CCM2: variants seen among roughly 807,000 people sequenced by gnomAD.
CCM2 encodes CCM2 scaffold protein, also known as cerebral cavernous malformations 2 protein.
Under a neutral mutation model 44.9 loss-of-function variants are expected in CCM2, and 25 were observed. The observed-to-expected ratio is 0.56, with a 90% confidence interval of 0.41 to 0.78. The LOEUF is 0.78. Ranked by LOEUF, CCM2 falls within the 30% of genes least tolerant of loss-of-function variation. The probability of loss-of-function intolerance (pLI) is 0.00; values close to 1 mark genes in which losing one functional copy is unlikely to be tolerated. For missense variants in CCM2, 481 were observed against 580.6 expected, an observed-to-expected ratio of 0.83 and a Z score of 1.76; for synonymous variants, 219 against 241.1, an observed-to-expected ratio of 0.91 and a Z score of 0.85.
At chr7:45,030,182 G>A (rs1250581554) in intron 1 of CCM2, among the ~76,000 whole-genome samples, 1 of 152,194 alleles carries the variant, frequency 6.6e-6, no homozygotes, top group Non-Finnish European at 1.5e-5. Flanking sequence ...AAGAGAAATA[G>A]CACTTAGCCT....
chr7:45,034,282 G>C (rs541750311), intron 1 of CCM2, among the ~76,000 whole-genome samples: 11 of 151,906 alleles, frequency 7.2e-5, no homozygotes, highest in Middle Eastern at 3.4e-3. Context: ...TGTGATCTCA[G>C]CTCACTGCAA....
intron 2 of CCM2, among the ~76,000 whole-genome samples, chr7:45,044,203 C>T (rs572611966): frequency 7.2e-5 from 11 of 152,204 alleles, no homozygotes; most frequent in East Asian, 1.9e-4. Context: ...GTGCAGGCTC[C>T]GCTCACTGCA....
At chr7:45,064,348 T>C (rs2128747528) in intron 3 of CCM2, 115 bp from the exon 4 acceptor site, 5 of 1,007,828 alleles carry the variant, frequency 5.0e-6, no homozygotes, top group Non-Finnish European at 4.5e-6. Context: ...ACTGACCTTA[T>C]TCACTCAGCA....
chr7:45,075,955 C>G lies in CCM2; in HGVS notation c.1233C>G (p.Asp411Glu). The change falls in exon 10 of 10, where the codon GAC becomes GAG. Residue 411 changes from aspartate (D) to glutamate (E), a missense_variant. Physicochemically the swap from Asp to Glu is conservative, Grantham distance 45. Coordinates refer to ENST00000258781, the MANE Select transcript of CCM2 (RefSeq NM_031443.4). The part of the protein sequence containing the change: ...NGNRATGSSD[D>E]RSAPSEGDEW... The stretch of plus-strand genomic sequence containing the variant: ...ACAGGGCCACGGGCAGCTCTGATGA[C>G]CGGTCGGCACCCTCAGAGGGGGATG... 2 of 1,613,186 alleles carry G rather than the reference C, an allele frequency of 1.2e-6. No individual in the cohort carries two copies. Among genetic ancestry groups the G allele is most frequent in the Non-Finnish European group, 1.7e-6 (2 of 1,180,028 alleles).
chr7:45,075,745 G>A lies in CCM2; in HGVS notation c.1055-32G>A, dbSNP rs200124379. 2,306 of 1,613,298 alleles carry A rather than the reference G, an allele frequency of 1.4e-3. 3 individuals carry two copies. Among genetic ancestry groups the A allele is most frequent in the Non-Finnish European group, 1.6e-3 (1,848 of 1,179,950 alleles). On this transcript the variant is annotated intron_variant, in intron 9 of 9. Transcript: ENST00000258781. ...GAGCTGAGTGGGCTGAGCCGAACTG[G>A]AGGTGCCATGCTGGGTGTTGTGTGT...
At chr7:45,016,724 C>A (rs1796281094) in intron 1 of CCM2, among the ~76,000 whole-genome samples, 1 of 151,770 alleles carries the variant, frequency 6.6e-6, no homozygotes, top group African/African-American at 2.4e-5. Context: ...CCTCCGCCTC[C>A]CAGGTTCAAG....
At chr7:45,040,324 C>T (rs976668887) in intron 2 of CCM2, among the ~76,000 whole-genome samples, 3 of 151,790 alleles carry the variant, frequency 2.0e-5, no homozygotes, top group African/African-American at 7.3e-5. Flanking sequence ...GTGGAGCTTG[C>T]AGTGATCCCA....
chr7:45,038,321 T>A lies in CCM2; in HGVS notation c.99T>A (p.His33Gln). Residue 33 changes from histidine (H) to glutamine (Q), a missense_variant, in exon 2 of 10, where the codon CAT becomes CAA. Physicochemically the swap from His to Gln is conservative, Grantham distance 24. Transcript: ENST00000258781. ...KGEKSRDKKA[H>Q]EKVTERRPLH... ...AAAAGAGTAGAGATAAGAAAGCCCA[T>A]GAGAAGGTGACAGAGAGGCGCCCTC... 6.2e-7 allele frequency: 1 copy of A among 1,614,148 alleles called. No individual in the cohort carries two copies. The highest frequency in any genetic ancestry group is 1.7e-5 in the Admixed American group (1 of 60,016).
Position 45,041,035 on chromosome 7 carries a change from C to T in CCM2, c.204+2609C>T, listed in dbSNP as rs530909126. On this transcript the variant is annotated intron_variant, in intron 2 of 9. Transcript: ENST00000258781. ...AGGGCAAACCAAGAATAGGAAGACA[C>T]GGATTCATAGCCCAAGGGGTCTGCC... is the stretch of plus-strand genomic sequence containing the variant. Among the ~76,000 whole-genome samples, 34 of 152,116 alleles carry T rather than the reference C, an allele frequency of 2.2e-4. 1 individual carries two copies. The highest frequency in any genetic ancestry group is 4.6e-4 in the Non-Finnish European group (31 of 68,022).
intron 2 of CCM2, among the ~76,000 whole-genome samples, chr7:45,060,823 A>C (rs986668493): frequency 6.6e-6 from 1 of 152,114 alleles, no homozygotes; most frequent in Non-Finnish European, 1.5e-5. Flanking sequence ...TATGCTGCCT[A>C]TCTGTTCTTA....
At chr7:45,074,857 G>T (rs1440933621) in intron 9 of CCM2, among the ~76,000 whole-genome samples, 1 of 152,210 alleles carries the variant, frequency 6.6e-6, no homozygotes, top group Non-Finnish European at 1.5e-5. Flanking sequence ...GGTCAGTGCG[G>T]CTAGAGGGCT....
At chr7:45,073,043 C>T (rs1799156942) in intron 7 of CCM2, 4 of 615,344 alleles carry the variant, frequency 6.5e-6, no homozygotes, top group East Asian at 2.8e-5. Context: ...TTGTAATAGG[C>T]ATGTTGGATG....
At chr7:45,075,748 G>A (rs375545788) in intron 9 of CCM2, 29 bp from the exon 10 acceptor site, 3 of 1,613,348 alleles carry the variant, frequency 1.9e-6, no homozygotes, top group Middle Eastern at 1.7e-4. Flanking sequence ...CGAACTGGAG[G>A]TGCCATGCTG....
chr7:45,027,818 G>C (rs1375559367), intron 1 of CCM2: 1 of 1,613,642 alleles, frequency 6.2e-7, no homozygotes, highest in South Asian at 1.1e-5. Context: ...GTCCAGTGTG[G>C]AAAGCGCCAT....
At chr7:45,015,829 A>G (rs1796243405) in intron 1 of CCM2, among the ~76,000 whole-genome samples, 1 of 152,222 alleles carries the variant, frequency 6.6e-6, no homozygotes, top group Admixed American at 6.5e-5. Flanking sequence ...CTTGACATGC[A>G]TGCTGACCCA....
intron 1 of CCM2, among the ~76,000 whole-genome samples, chr7:45,003,411 G>T (rs893800319): frequency 8.5e-5 from 13 of 152,130 alleles, no homozygotes; most frequent in Admixed American, 7.2e-4. Context: ...CTTAAGTTGG[G>T]TTGTGTGGAT....
chr7:45,050,711 T>C (rs1370355204), intron 2 of CCM2, among the ~76,000 whole-genome samples: 2 of 152,240 alleles, frequency 1.3e-5, no homozygotes, highest in Non-Finnish European at 2.9e-5. Context: ...GCTTCTTTTC[T>C]TATATCTTTG....
intron 1 of CCM2, among the ~76,000 whole-genome samples, chr7:45,032,646 G>T (rs947672262): frequency 6.6e-6 from 1 of 152,126 alleles, no homozygotes; most frequent in Non-Finnish European, 1.5e-5. Flanking sequence ...TAACCAAAGG[G>T]CCTCCCCAGA....
chr7:45,071,297 A>AT (rs970168103), intron 6 of CCM2: 31 of 149,902 alleles, frequency 2.1e-4, no homozygotes, highest in Non-Finnish European at 2.4e-4. Flanking sequence ...TTCTTTAATA[A>AT]TTTTTTTTTT....
Sources: allele counts gnomAD v4.1 joint callset (sites outside exome capture counted in the v4.1 genomes callset), GRCh38; gene constraint gnomAD v4.1.1; transcripts MANE v1.5; gene names NCBI Gene and HGNC (gene_info 2026-07-23, HGNC 2026-07-21).